Variants in CAMKMT observed in about 807,000 individuals in gnomAD.
CAMKMT encodes calmodulin-lysine N-methyltransferase.
A neutral mutation model predicts 48.0 loss-of-function variants in CAMKMT; 53 were observed. The observed-to-expected ratio is 1.10, with a 90% CI of 0.89 to 1.39. The LOEUF (loss-of-function observed/expected upper bound fraction) is 1.39. CAMKMT is among the 40% of genes most tolerant of loss of function. The pLI is 0.00. For missense variants in CAMKMT, 428 were observed against 402.7 expected, an observed-to-expected ratio of 1.06 and a Z score of -0.54; for synonymous variants, 165 against 152.3, an observed-to-expected ratio of 1.08 and a Z score of -0.61.
intron 3 of CAMKMT, among the ~76,000 whole-genome samples, chr2:44,469,710 C>T (rs1668316689): frequency 6.6e-6 from 1 of 152,076 alleles, no homozygotes; most frequent in African/African-American, 2.4e-5. Flanking sequence ...TGAATACATA[C>T]ATAATGTTGT....
intron 3 of CAMKMT, among the ~76,000 whole-genome samples, chr2:44,666,919 T>G (rs969455371): frequency 6.6e-6 from 1 of 152,186 alleles, no homozygotes; most frequent in African/African-American, 2.4e-5. Context: ...TGTTCTTAAT[T>G]TGTTAAGAAT....
chr2:44,442,767 A>G (rs944497108), intron 3 of CAMKMT, among the ~76,000 whole-genome samples: 1 of 152,180 alleles, frequency 6.6e-6, no homozygotes, highest in Non-Finnish European at 1.5e-5. Context: ...AGCACTAGGC[A>G]TCTACTGTAA....
At chr2:44,594,344 G>T (rs532193641) in intron 3 of CAMKMT, among the ~76,000 whole-genome samples, 2 of 151,894 alleles carry the variant, frequency 1.3e-5, no homozygotes, top group Non-Finnish European at 2.9e-5. Context: ...AAAAGAGCCC[G>T]TATAGCCAAG....
At chr2:44,495,556 C>A (rs998621550) in intron 3 of CAMKMT, among the ~76,000 whole-genome samples, 1 of 152,152 alleles carries the variant, frequency 6.6e-6, no homozygotes, top group African/African-American at 2.4e-5. Flanking sequence ...TTAAAAATGT[C>A]ATCACAATTC....
At chr2:44,755,164 A>G (rs1680318513) in intron 9 of CAMKMT, among the ~76,000 whole-genome samples, 2 of 152,142 alleles carry the variant, frequency 1.3e-5, no homozygotes, top group Non-Finnish European at 1.5e-5. Flanking sequence ...TGTAGCTCAG[A>G]AACTTAAAAC....
chr2:44,456,703 T>C, intron 3 of CAMKMT: 1 of 1,069,580 alleles, frequency 9.3e-7, no homozygotes, highest in Admixed American at 2.6e-5. Context: ...CCTCTGCTTG[T>C]CTTCATGATC....
intron 3 of CAMKMT, among the ~76,000 whole-genome samples, chr2:44,664,114 T>C (rs1674829741): frequency 6.6e-6 from 1 of 152,226 alleles, no homozygotes; most frequent in African/African-American, 2.4e-5. Flanking sequence ...GGGTTATAGT[T>C]GTTTCATGAT....
intron 3 of CAMKMT, among the ~76,000 whole-genome samples, chr2:44,437,837 A>AC (rs1157434628): frequency 1.0e-5 from 1 of 98,646 alleles, no homozygotes; most frequent in Non-Finnish European, 2.3e-5. Context: ...AGACTCTGCT[A>AC]CAAAAAAAAA....
At chr2:44,452,322 A>G (rs1433146860) in intron 3 of CAMKMT, among the ~76,000 whole-genome samples, 1 of 151,990 alleles carries the variant, frequency 6.6e-6, no homozygotes, top group African/African-American at 2.4e-5. Flanking sequence ...GCTTCTAACT[A>G]GGCATAGCGC....
intron 8 of CAMKMT, among the ~76,000 whole-genome samples, chr2:44,753,821 C>A (rs903220391): frequency 3.3e-5 from 5 of 152,224 alleles, no homozygotes; most frequent in African/African-American, 1.2e-4. Flanking sequence ...ATGGCCCAGT[C>A]ACGTGTGAAT....
intron 3 of CAMKMT, among the ~76,000 whole-genome samples, chr2:44,523,770 ATTTTTTTTTTT>A (rs70937920): frequency 2.2e-5 from 2 of 89,880 alleles, no homozygotes; most frequent in African/African-American, 8.7e-5. Flanking sequence ...GAGAGCGAGC[ATTTTTTTTTTT>A]TTTTTTTTTT....
intron 7 of CAMKMT, among the ~76,000 whole-genome samples, chr2:44,741,823 G>A (rs1679692721): frequency 6.6e-6 from 1 of 152,090 alleles, no homozygotes; most frequent in East Asian, 1.9e-4. Context: ...TGAACCAAGG[G>A]GCTGAAGCAC....
intron 3 of CAMKMT, among the ~76,000 whole-genome samples, chr2:44,494,141 A>G (rs1669643434): frequency 6.6e-6 from 1 of 152,180 alleles, no homozygotes; most frequent in Non-Finnish European, 1.5e-5. Flanking sequence ...ATTTTGAGTT[A>G]TTTTTCTGTC....
In CAMKMT at chr2:44,593,071, G is replaced by A. The variant is rs117155118; in HGVS notation, c.377-111212G>A. Reference sequence around the variant, plus strand: ...TTGAGTTTTGTTTTGTGAAGCAGATGTGTTACTGGGAAACAGCTTGATCCT... The same window carrying A: ...TTGAGTTTTGTTTTGTGAAGCAGATATGTTACTGGGAAACAGCTTGATCCT... On this transcript the variant is annotated intron_variant, in intron 3 of 10. Coordinates refer to ENST00000378494, the MANE Select transcript of CAMKMT (RefSeq NM_024766.5). Among the ~76,000 whole-genome samples the A allele has an allele frequency of 3.9e-5, 6 of 152,300 alleles. No homozygotes were observed. In the East Asian group the frequency reaches 5.8e-4, roughly 15 times the overall value.
intron 3 of CAMKMT, among the ~76,000 whole-genome samples, chr2:44,654,667 C>T (rs1458365450): frequency 6.6e-6 from 1 of 152,084 alleles, no homozygotes; most frequent in African/African-American, 2.4e-5. Context: ...CGTGTGTCAC[C>T]ATGCCTGGCG....
At chr2:44,730,319 C>G (rs1184871303) in intron 7 of CAMKMT, among the ~76,000 whole-genome samples, 1 of 152,208 alleles carries the variant, frequency 6.6e-6, no homozygotes, top group Non-Finnish European at 1.5e-5. Flanking sequence ...GATACCTTCC[C>G]CAACTTGTCC....
chr2:44,477,648 C>T (rs1042440635), intron 3 of CAMKMT, among the ~76,000 whole-genome samples: 3 of 152,112 alleles, frequency 2.0e-5, no homozygotes, highest in African/African-American at 7.2e-5. Flanking sequence ...TTTTTCTATT[C>T]CTCCATTTTG....
intron 3 of CAMKMT, among the ~76,000 whole-genome samples, chr2:44,537,470 A>G (rs1442474267): frequency 6.6e-6 from 1 of 152,204 alleles, no homozygotes; most frequent in Non-Finnish European, 1.5e-5. Context: ...ACAATGAGAT[A>G]TTGTTGTATC....
intron 3 of CAMKMT, among the ~76,000 whole-genome samples, chr2:44,604,523 T>C (rs1671173743): frequency 6.6e-6 from 1 of 151,104 alleles, no homozygotes; most frequent in Admixed American, 6.6e-5. Context: ...TAAGGGAGGG[T>C]TGTGGGTATA....
Sources: allele counts gnomAD v4.1 joint callset (sites outside exome capture counted in the v4.1 genomes callset), GRCh38; gene constraint gnomAD v4.1.1; transcripts MANE v1.5; gene names NCBI Gene and HGNC (gene_info 2026-07-23, HGNC 2026-07-21).